The following AK9 variants were observed in gnomAD, a reference collection of about 807,000 sequenced individuals.
The protein encoded by AK9 is adenylate kinase domain containing 1.
In AK9, 191 loss-of-function variants were observed where a neutral mutation model predicts 239.6. The ratio of observed to expected loss-of-function variants is 0.80; its 90% CI spans 0.71 to 0.90. The LOEUF (loss-of-function observed/expected upper bound fraction) is 0.90, where lower values mean the gene tolerates loss of function less well. AK9 is among the 40% of genes least tolerant of loss of function. The pLI is 0.00. For missense variants in AK9, 1,995 were observed against 2,214.7 expected (o/e 0.90, Z 1.99); for synonymous variants, 689 against 721.0 (o/e 0.96, Z 0.71).
At chr6:109,685,320 G>C (rs1773346847) in intron 1 of AK9, among the ~76,000 whole-genome samples, 1 of 152,148 alleles carries the variant, frequency 6.6e-6, no homozygotes, top group South Asian at 2.1e-4. Context: ...AAAAGACTTA[G>C]AGCCAACCTA....
intron 8 of AK9, among the ~76,000 whole-genome samples, chr6:109,646,542 A>T (rs1798088264): frequency 6.6e-6 from 1 of 152,206 alleles, no homozygotes; most frequent in African/African-American, 2.4e-5. Context: ...TTTAGAAAAA[A>T]AAGAGTAAAA....
At chr6:109,586,544 C>T (rs1444850951) in intron 17 of AK9, among the ~76,000 whole-genome samples, 1 of 152,192 alleles carries the variant, frequency 6.6e-6, no homozygotes, top group African/African-American at 2.4e-5. Flanking sequence ...GTCTACATTT[C>T]TAACATGCTT....
chr6:109,668,535 A>G lies in AK9; in HGVS notation c.331+3384T>C, dbSNP rs535311616. Among the ~76,000 whole-genome samples the G allele has an allele frequency of 5.5e-4, 82 of 150,442 alleles. No individual in the cohort carries two copies. In the South Asian group the frequency reaches 0.017, roughly 32 times the overall value. On this transcript the variant is annotated intron_variant, in intron 5 of 40. Coordinates refer to ENST00000424296, the MANE Select transcript of AK9 (RefSeq NM_001145128.3). ...CTAGGGTTTTTATGGTTGTAGGTCTAACATTTAAGTCTTTAATCCATCTTG... is the reference window on the plus strand; with the variant it reads ...CTAGGGTTTTTATGGTTGTAGGTCTGACATTTAAGTCTTTAATCCATCTTG...
At chr6:109,543,319 C>T (rs142720026) in intron 26 of AK9, among the ~76,000 whole-genome samples, 429 of 152,066 alleles carry the variant, frequency 2.8e-3, no homozygotes, top group African/African-American at 1.0e-2. Flanking sequence ...AAATAAAATC[C>T]CTTAATTGCT....
At chr6:109,520,015 G>A (rs1779672137) in intron 29 of AK9, among the ~76,000 whole-genome samples, 1 of 152,118 alleles carries the variant, frequency 6.6e-6, no homozygotes. Context: ...TTTGTCAGAT[G>A]CATAGTTTGT....
chr6:109,529,482 G>C (rs1780958624), intron 28 of AK9, among the ~76,000 whole-genome samples: 1 of 152,116 alleles, frequency 6.6e-6, no homozygotes, highest in Non-Finnish European at 1.5e-5. Flanking sequence ...ATGAGGGACT[G>C]GTTTCACAGA....
rs767062598 is a variant in AK9 at position 109,533,236 on chromosome 6, T to C, written c.3570+15A>G. Reference sequence around the variant, plus strand: ...CTGAACAGATTTATTCAATGCATTTTTGCTAGATACATACCCTGATTTTTG... The same window carrying C: ...CTGAACAGATTTATTCAATGCATTTCTGCTAGATACATACCCTGATTTTTG... On this transcript the variant is annotated intron_variant, in intron 28 of 40. Transcript: ENST00000424296. 2 of 1,572,596 alleles carry C rather than the reference T, an allele frequency of 1.3e-6. No individual in the cohort carries two copies. The highest frequency in any genetic ancestry group is 1.7e-6 in the Non-Finnish European group (2 of 1,156,270).
Position 109,614,240 on chromosome 6 carries a change from C to G in AK9, c.1552G>C (p.Ala518Pro), listed in dbSNP as rs1173793733. 3.2e-6 allele frequency: 5 copies of G among 1,551,230 alleles called. No individual in the cohort carries two copies. Among genetic ancestry groups the G allele is most frequent in the Non-Finnish European group, 3.5e-6 (4 of 1,146,776 alleles). ...RGSSLVDTEE[A>P]KTKSENVLHD... Reference sequence around the variant, plus strand: ...AGGACATTTTCTGACTTTGTTTTGGCTTCTTCGGTGTCCACTAAAGAGCTG... The same window carrying G: ...AGGACATTTTCTGACTTTGTTTTGGGTTCTTCGGTGTCCACTAAAGAGCTG... Residue 518 changes from alanine (A) to proline (P), a missense_variant, in exon 15 of 41, where the codon GCC (alanine) becomes CCC (proline). Transcript: ENST00000424296.
chr6:109,688,137 A>C (rs1019635448), intron 1 of AK9, among the ~76,000 whole-genome samples: 2 of 152,168 alleles, frequency 1.3e-5, no homozygotes, highest in African/African-American at 4.8e-5. Flanking sequence ...CATGGCAGAG[A>C]CCTGTTCATA....
chr6:109,572,449 G>C (rs1015470291), intron 21 of AK9, among the ~76,000 whole-genome samples: 2 of 152,194 alleles, frequency 1.3e-5, no homozygotes, highest in African/African-American at 4.8e-5. Flanking sequence ...CATTGTGTCT[G>C]GATGCAGCAG....
At chr6:109,645,590 G>T (rs981562547) in intron 8 of AK9, among the ~76,000 whole-genome samples, 2 of 95,146 alleles carry the variant, frequency 2.1e-5, no homozygotes, top group Non-Finnish European at 4.9e-5. Context: ...ACAGCTCAAC[G>T]AGGCCTGCCT....
intron 12 of AK9, chr6:109,632,208 C>T (rs1038933020): frequency 2.3e-5 from 23 of 985,272 alleles, no homozygotes; most frequent in Admixed American, 6.2e-5. Flanking sequence ...AATGATACTC[C>T]GGCGCTTAAA....
intron 5 of AK9, among the ~76,000 whole-genome samples, chr6:109,667,550 C>T (rs950823012): frequency 1.3e-5 from 2 of 151,718 alleles, no homozygotes; most frequent in Non-Finnish European, 2.9e-5. Flanking sequence ...TTTCCCTCCC[C>T]TCTCCCCCCA....
At chr6:109,649,138 C>A (rs1290530237) in intron 8 of AK9, among the ~76,000 whole-genome samples, 1 of 152,108 alleles carries the variant, frequency 6.6e-6, no homozygotes, top group Non-Finnish European at 1.5e-5. Flanking sequence ...GAATATCATA[C>A]TGAATGGACA....
intron 17 of AK9, among the ~76,000 whole-genome samples, chr6:109,596,405 T>C (rs1791037584): frequency 6.6e-6 from 1 of 152,146 alleles, no homozygotes; most frequent in Non-Finnish European, 1.5e-5. Context: ...GTTCTCTGCC[T>C]GGGAAAAGAG....
intron 27 of AK9, among the ~76,000 whole-genome samples, chr6:109,536,934 T>C (rs542630331): frequency 9.2e-5 from 14 of 152,318 alleles, no homozygotes; most frequent in African/African-American, 3.1e-4. Flanking sequence ...TGAACCAGCC[T>C]TGCATCCTAG....
chr6:109,536,837 C>T (rs1033142244), intron 27 of AK9, among the ~76,000 whole-genome samples: 1 of 152,098 alleles, frequency 6.6e-6, no homozygotes, highest in African/African-American at 2.4e-5. Context: ...TTGTGAAAGG[C>T]CTTTTCTGCA....
intron 27 of AK9, among the ~76,000 whole-genome samples, chr6:109,536,850 T>A (rs1782069022): frequency 1.3e-5 from 2 of 152,250 alleles, no homozygotes; most frequent in Non-Finnish European, 2.9e-5. Context: ...TTTCTGCATC[T>A]ATTGAGATAA....
intron 17 of AK9, among the ~76,000 whole-genome samples, chr6:109,595,998 A>G (rs1344977874): frequency 1.3e-5 from 2 of 152,186 alleles, no homozygotes; most frequent in African/African-American, 4.8e-5. Flanking sequence ...CTTAAAGTAT[A>G]ATTTAAAAAA....
Sources: allele counts gnomAD v4.1 joint callset (sites outside exome capture counted in the v4.1 genomes callset), GRCh38; gene constraint gnomAD v4.1.1; transcripts MANE v1.5; gene names NCBI Gene and HGNC (gene_info 2026-07-23, HGNC 2026-07-21).